The following TRAPPC8 variants were observed in gnomAD, a reference collection of about 807,000 sequenced individuals.
TRAPPC8 encodes general sporulation gene 1 homolog.
In TRAPPC8, 54 loss-of-function variants were observed where a neutral mutation model predicts 174.3. The observed-to-expected ratio is 0.31, with a 90% CI of 0.25 to 0.39. The LOEUF (loss-of-function observed/expected upper bound fraction) is 0.39. TRAPPC8 is among the 10% of genes least tolerant of loss of function. TRAPPC8 has a pLI of 1.00. For synonymous variants in TRAPPC8, 630 were observed against 579.9 expected (o/e 1.09, Z -1.24); for missense variants, 1,531 against 1,699.1 (o/e 0.90, Z 1.74).
intron 2 of TRAPPC8, among the ~76,000 whole-genome samples, chr18:31,920,097 A>C (rs1324824763): frequency 1.3e-5 from 2 of 152,176 alleles, no homozygotes; most frequent in African/African-American, 4.8e-5. Flanking sequence ...ACATAATGAA[A>C]ATTATCGTTA....
At chr18:31,899,271 TCA>T (rs1321192524) in intron 10 of TRAPPC8, among the ~76,000 whole-genome samples, 3 of 152,204 alleles carry the variant, frequency 2.0e-5, no homozygotes, top group Non-Finnish European at 4.4e-5. Flanking sequence ...GTCAATTACT[TCA>T]GTTTCCTCAT....
rs757856197 is a variant in TRAPPC8, at chr18:31,870,522, A to G, written c.2258-20T>C. ...TTGGTTCTATTAAAAAAAAGGCCTA[A>G]ATTAATAACTTTAATAAACATCACA... On this transcript the variant is annotated intron_variant, in intron 15 of 28. Coordinates refer to ENST00000283351, the MANE Select transcript of TRAPPC8 (RefSeq NM_014939.5). The G allele has an allele frequency of 2.5e-6, 4 of 1,595,972 alleles. No individual in the cohort carries two copies. Among genetic ancestry groups the G allele is most frequent in the Non-Finnish European group, 3.4e-6 (4 of 1,173,880 alleles).
chr18:31,838,745 A>AT (rs1323803280), intron 27 of TRAPPC8, among the ~76,000 whole-genome samples: 2 of 152,168 alleles, frequency 1.3e-5, no homozygotes, highest in Admixed American at 1.3e-4. Context: ...CTCTTGAACT[A>AT]TTCTCACTCA....
intron 5 of TRAPPC8, among the ~76,000 whole-genome samples, chr18:31,911,978 A>G (rs1253582365): frequency 1.3e-5 from 2 of 152,100 alleles, no homozygotes; most frequent in Non-Finnish European, 2.9e-5. Flanking sequence ...GCGGCATACT[A>G]TTGTACCTTA....
chr18:31,942,430 A>T, intron 1 of TRAPPC8, 178 bp downstream of exon 1: 1 of 725,646 alleles, frequency 1.4e-6, no homozygotes, highest in Non-Finnish European at 2.1e-6. Context: ...CGCTGTCTTG[A>T]CAACCTCACG....
intron 24 of TRAPPC8, among the ~76,000 whole-genome samples, chr18:31,850,179 T>G (rs1004022585): frequency 6.6e-6 from 1 of 152,094 alleles, no homozygotes; most frequent in Non-Finnish European, 1.5e-5. Flanking sequence ...CTTGAACTAC[T>G]GAGCTCAAGC....
chr18:31,894,068 GAAGGCAGA>G (rs2145382206), intron 11 of TRAPPC8, among the ~76,000 whole-genome samples: 2 of 152,316 alleles, frequency 1.3e-5, no homozygotes, highest in East Asian at 3.9e-4. Context: ...CTGACCAACT[GAAGGCAGA>G]TGTGGAAGTC....
rs2035065227 is a variant in TRAPPC8, at chr18:31,874,849, AT to A, written c.1729-146del. The A allele has an allele frequency of 4.5e-6, 3 of 664,828 alleles. No homozygotes were observed. The Admixed American group carries it at 8.9e-5, about 20-fold the overall frequency. 41.2% of individuals were successfully genotyped at this position (664,828 alleles called of 1,614,324 possible). ...GGATAATGAAGAAAATAAAACTAAC[AT>A]TTATGATAATCCCTTCACAATTATA... On this transcript the variant is annotated intron_variant, in intron 12 of 28. Transcript: ENST00000283351.
intron 18 of TRAPPC8, among the ~76,000 whole-genome samples, chr18:31,865,348 T>G (rs1173640788): frequency 2.6e-5 from 4 of 152,034 alleles, no homozygotes; most frequent in Admixed American, 1.3e-4. Context: ...AAAGCTTCCA[T>G]GTAGTGCATG....
intron 12 of TRAPPC8, among the ~76,000 whole-genome samples, chr18:31,888,286 C>T (rs1296637870): frequency 1.3e-5 from 2 of 152,082 alleles, no homozygotes; most frequent in Non-Finnish European, 2.9e-5. Context: ...GTAATCCCAG[C>T]ACTCTGGGAG....
rs139750922 is a variant in TRAPPC8, at chr18:31,878,072, G to A, written c.1729-3368C>T. Among the ~76,000 whole-genome samples, 727 of 152,168 alleles carry A rather than the reference G, an allele frequency of 4.8e-3. 6 individuals carry two copies. Among genetic ancestry groups the A allele is most frequent in the Admixed American group, 6.9e-3 (106 of 15,288 alleles). On this transcript the variant is annotated intron_variant, in intron 12 of 28. Coordinates refer to ENST00000283351, the MANE Select transcript of TRAPPC8 (RefSeq NM_014939.5). The stretch of plus-strand genomic sequence containing the variant: ...ACTCTGTACTAGAGGAAGAAGTTCC[G>A]CCCTGAGCCCATTTTGGTGGCAGCT...
chr18:31,880,121 ATTTT>A (rs56728828), intron 12 of TRAPPC8, among the ~76,000 whole-genome samples: 96 of 69,028 alleles, frequency 1.4e-3, no homozygotes, highest in African/African-American at 4.0e-3. Flanking sequence ...ATATATATAT[ATTTT>A]TTTTTTTTTA....
intron 2 of TRAPPC8, among the ~76,000 whole-genome samples, chr18:31,927,573 T>TA (rs2037669534): frequency 6.6e-6 from 1 of 151,850 alleles, no homozygotes; most frequent in Admixed American, 6.6e-5. Flanking sequence ...TAATTTTTTT[T>TA]AAAAAATTTT....
intron 1 of TRAPPC8, among the ~76,000 whole-genome samples, chr18:31,934,352 G>A (rs968075870): frequency 6.6e-6 from 1 of 152,006 alleles, no homozygotes; most frequent in African/African-American, 2.4e-5. Flanking sequence ...ATGATGGAGG[G>A]TTAATATTTG....
In TRAPPC8 at chr18:31,898,404, A is replaced by G. The variant is rs570356173; in HGVS notation, c.1491-513T>C. 4.6e-5 allele frequency among the ~76,000 whole-genome samples: 7 copies of G among 152,358 alleles called. No homozygotes were observed. The South Asian group carries it at 1.2e-3, about 27-fold the overall frequency. ...TTCTTATAACTCATCAAAACTTTTC[A>G]TTATCATGTAATTTGGCAGTAAGAA... On this transcript the variant is annotated intron_variant, in intron 10 of 28. Coordinates refer to ENST00000283351, the MANE Select transcript of TRAPPC8 (RefSeq NM_014939.5).
intron 14 of TRAPPC8, among the ~76,000 whole-genome samples, chr18:31,871,928 A>G (rs1345723232): frequency 2.0e-5 from 3 of 152,212 alleles, no homozygotes; most frequent in East Asian, 1.9e-4. Context: ...AATGTTTAGA[A>G]TGACAAAGTT....
At chr18:31,936,391 G>A (rs376199308) in intron 1 of TRAPPC8, among the ~76,000 whole-genome samples, 1 of 152,176 alleles carries the variant, frequency 6.6e-6, no homozygotes, top group Non-Finnish European at 1.5e-5. Flanking sequence ...TTGAGCCCAG[G>A]AGGTCGAGGC....
At position 31,871,099 on chromosome 18, in the gene TRAPPC8, T is replaced by C. The variant is rs2145198544; in HGVS notation, c.2084A>G (p.His695Arg). ...PADGEKQAATHVSLDQEYDSE... is the reference protein window; with the variant it reads ...PADGEKQAATRVSLDQEYDSE... ...ATCATATTCTTGATCAAGACTTACA[T>C]GAGTAGCTGCTTGTTTTTCACCTAA... The change falls in exon 15 of 29, where the codon CAT becomes CGT. Residue 695 changes from histidine (H) to arginine (R), a missense_variant. Physicochemically the swap from His to Arg is conservative, Grantham distance 29 (BLOSUM62 0). Coordinates refer to ENST00000283351, the MANE Select transcript of TRAPPC8 (RefSeq NM_014939.5). 1 of 1,559,724 alleles carries C rather than the reference T, an allele frequency of 6.4e-7. No individual in the cohort carries two copies.
At position 31,909,661 on chromosome 18, in the gene TRAPPC8, C is replaced by T; in HGVS notation, c.865+6G>A. On this transcript the variant is annotated splice_donor_region_variant and intron_variant, in intron 6 of 28. Transcript: ENST00000283351. ...AAAGAGAAACTTAGAGAAAATATATCAAGACCTTTGACTTCGTTATCTAAT... is the reference window on the plus strand; with the variant it reads ...AAAGAGAAACTTAGAGAAAATATATTAAGACCTTTGACTTCGTTATCTAAT... 4 of 1,590,680 alleles carry T rather than the reference C, an allele frequency of 2.5e-6. No homozygotes were observed. Among genetic ancestry groups the T allele is most frequent in the Non-Finnish European group, 3.4e-6 (4 of 1,173,674 alleles).
Sources: gnomAD v4.1 joint callset for allele counts (sites outside exome capture counted in the v4.1 genomes callset) on GRCh38, gnomAD v4.1.1 for gene constraint, MANE v1.5 for transcripts, NCBI Gene and HGNC (gene_info 2026-07-23, HGNC 2026-07-21) for gene names.